KRT74: variants seen among roughly 807,000 people sequenced by gnomAD.
KRT74 encodes keratin, type II cytoskeletal 74.
In KRT74, 43 loss-of-function variants were observed where a neutral mutation model predicts 42.7. The observed-to-expected ratio is 1.01, with a 90% CI of 0.79 to 1.30. The LOEUF (loss-of-function observed/expected upper bound fraction) is 1.30, where lower values mean the gene tolerates loss of function less well. Among genes scored for constraint, KRT74 ranks in the 50% most tolerant of loss-of-function variants. KRT74 has a pLI of 0.00. For synonymous variants in KRT74, 302 were observed against 279.0 expected (o/e 1.08, Z -0.82); for missense variants, 736 against 689.1 (o/e 1.07, Z -0.76).
At chr12:52,572,697 C>A (rs375922762) in intron 1 of KRT74, 30 bp from the exon 2 acceptor site, 1 of 1,597,232 alleles carries the variant, frequency 6.3e-7, no homozygotes, top group Non-Finnish European at 8.6e-7. Flanking sequence ...ACACCTGGAA[C>A]CACAATGGGT....
Position 52,567,100 on chromosome 12 carries a change from C to T in KRT74, c.1459G>A (p.Ala487Thr), listed in dbSNP as rs75004274. Residue 487 changes from alanine to threonine, a missense_variant, in exon 9 of 9, where the codon GCT becomes ACT. By Grantham distance (58) the Ala-to-Thr change is moderately conservative. Transcript: ENST00000305620. ...GTGCTGCCAGAGCTGCCTGCCACAG[C>T]GCTGGCCCCAAGGTCAACACCCGCA... ...SSAGVDLGAS[A>T]VAGSSGSTQS... 74,242 of 1,603,648 alleles carry T rather than the reference C, an allele frequency of 0.046. 2,041 individuals carry two copies. The highest frequency in any genetic ancestry group is 0.054 in the Non-Finnish European group (63,796 of 1,171,950).
intron 6 of KRT74, chr12:52,569,643 G>C: frequency 1.6e-6 from 1 of 622,230 alleles, no homozygotes; most frequent in Non-Finnish European, 2.9e-6. Context: ...AAAATGAGGA[G>C]TCAGAGAAAT....
intron 3 of KRT74, among the ~76,000 whole-genome samples, 166 bp downstream of exon 3, chr12:52,571,778 C>T (rs1454909935): frequency 4.6e-5 from 7 of 152,152 alleles, no homozygotes; most frequent in African/African-American, 1.7e-4. Flanking sequence ...GTGTGTCTTT[C>T]CTCTCCAACT....
intron 6 of KRT74, among the ~76,000 whole-genome samples, chr12:52,568,680 T>C (rs1331246327): frequency 6.6e-6 from 1 of 152,128 alleles, no homozygotes; most frequent in Non-Finnish European, 1.5e-5. Context: ...TATCTACAGA[T>C]TCAAAATACT....
In KRT74 at chr12:52,573,741, T is replaced by C. The variant is rs1939532197; in HGVS notation, c.37A>G (p.Lys13Glu). 6.2e-7 allele frequency: 1 copy of C among 1,613,966 alleles called. No individual in the cohort carries two copies. The change falls in exon 1 of 9, where the codon AAG becomes GAG. Residue 13 changes from lysine (K) to glutamate (E), a missense_variant. Transcript: ENST00000305620. ...GCCGAATGCACACTGAAGTTGCCCT[T>C]GTCACCACTGGACTTGATGTTCAGT... ...RQLNIKSSGD[K>E]GNFSVHSAVV... is the part of the protein sequence containing the mutation.
chr12:52,569,831 G>C, intron 6 of KRT74, 28 bp downstream of exon 6: 3 of 1,613,850 alleles, frequency 1.9e-6, no homozygotes, highest in African/African-American at 1.3e-5. Context: ...TGTGGAGACC[G>C]GGAGTTCTTT....
rs749002964 is a variant in KRT74, at chr12:52,569,925, G to T, written c.1068C>A (p.Ser356Arg). 1 of 1,614,104 alleles carries T rather than the reference G, an allele frequency of 6.2e-7. No individual in the cohort carries two copies. The highest frequency in any genetic ancestry group is 1.7e-5 in the Admixed American group (1 of 60,032). The change falls in exon 6 of 9, where the codon AGC becomes AGA. Residue 356 changes from serine (S) to arginine (R), a missense_variant. Transcript: ENST00000305620. ...TGAGCCGGTTCAGCTCCACCATCTC[G>T]CTCCTGGTGTGTTTCAGGTCGTCAC... is the stretch of plus-strand genomic sequence containing the variant. The part of the protein sequence containing the change: ...RHGDDLKHTR[S>R]EMVELNRLIQ...
chr12:52,568,443 T>C (rs1939419501), intron 6 of KRT74, 54 bp from the exon 7 acceptor site: 1 of 1,576,588 alleles, frequency 6.3e-7, no homozygotes, highest in South Asian at 1.1e-5. Context: ...ATTTAGCTCA[T>C]ACCAGTTAAG....
chr12:52,567,060 G>A lies in KRT74; in HGVS notation c.1499C>T (p.Thr500Ile), dbSNP rs1334563639. The change falls in exon 9 of 9, where the codon ACC becomes ATC. Residue 500 changes from threonine (T) to isoleucine (I), a missense_variant. Transcript: ENST00000305620. ...GSSGSTQSGQ[T>I]KTTEARGGDL... ...TCCCCCTCGCGCCTCTGTGGTCTTG[G>A]TCTGCCCGCTCTGGGTGCTGCCAGA... 2 of 1,596,264 alleles carry A rather than the reference G, an allele frequency of 1.3e-6. No individual in the cohort carries two copies. The highest frequency in any genetic ancestry group is 1.3e-5 in the African/African-American group (1 of 74,526).
In KRT74 at chr12:52,571,287, C is replaced by T; in HGVS notation, c.843+72G>A. 9 of 962,880 alleles carry T rather than the reference C, an allele frequency of 9.3e-6. No individual in the cohort carries two copies. The Middle Eastern group carries it at 6.2e-4, about 67-fold the overall frequency. The allele number at this position is 962,880 out of a possible 1,614,324, so 59.6% of individuals were successfully genotyped here. A position where few individuals can be genotyped will look rare whatever the true frequency, so the allele number is the denominator to read the frequency against. Reference sequence around the variant, plus strand: ...CTTTCATTTTGTTGATCCTAAATCTCTCCTTTTGGTATCTCCCTGGAAGAG... The same window carrying T: ...CTTTCATTTTGTTGATCCTAAATCTTTCCTTTTGGTATCTCCCTGGAAGAG... On this transcript the variant is annotated intron_variant, in intron 4 of 8. Transcript: ENST00000305620.
intron 8 of KRT74, 111 bp downstream of exon 8, chr12:52,567,548 C>G: frequency 1.1e-6 from 1 of 872,260 alleles, no homozygotes; most frequent in South Asian, 1.3e-5. Flanking sequence ...GAAACCTTCC[C>G]AAGACAGTAA....
At position 52,567,139 on chromosome 12, in the gene KRT74, G is replaced by T; in HGVS notation, c.1420C>A (p.His474Asn). Reference protein sequence around the residue: ...SVISSSSYSYHHPSSAGVDLG... With the variant: ...SVISSSSYSYNHPSSAGVDLG... The stretch of plus-strand genomic sequence containing the variant: ...TCAACACCCGCAGAGCTGGGGTGGT[G>T]GTAGCTGTAGCTGCTACTGCTGATG... Residue 474 changes from histidine (H) to asparagine (N), a missense_variant, in exon 9 of 9, where the codon CAC (histidine) becomes AAC (asparagine). Coordinates refer to ENST00000305620, the MANE Select transcript of KRT74 (RefSeq NM_175053.4). The T allele has an allele frequency of 6.2e-7, 1 of 1,605,050 alleles. No homozygotes were observed. The highest frequency in any genetic ancestry group is 8.5e-7 in the Non-Finnish European group (1 of 1,173,268).
Position 52,573,356 on chromosome 12 carries a change from C to G in KRT74, c.422G>C (p.Arg141Pro). 6.2e-7 allele frequency: 1 copy of G among 1,614,192 alleles called. No individual in the cohort carries two copies. ...PEIQKVRAQE[R>P]EQIKVLNDKF... is the part of the protein sequence containing the mutation. ...GTCGTTCAGCACCTTGATCTGTTCC[C>G]GCTCCTGGGCGCGCACCTTCTGGAT... Residue 141 changes from arginine (R) to proline (P), a missense_variant, in exon 1 of 9, where the codon CGG (arginine) becomes CCG (proline). Physicochemically the swap from Arg to Pro is moderately radical, Grantham distance 103. Coordinates refer to ENST00000305620, the MANE Select transcript of KRT74 (RefSeq NM_175053.4).
At chr12:52,569,601 C>A (rs1001134875) in intron 6 of KRT74, 1 of 602,376 alleles carries the variant, frequency 1.7e-6, no homozygotes, top group African/African-American at 1.8e-5. Flanking sequence ...GGGAAAGTCC[C>A]TTCCCCTTCC....
At position 52,568,279 on chromosome 12, in the gene KRT74, C is replaced by T. The variant is rs767244550; in HGVS notation, c.1245G>A (p.Lys415=). ...CGCGCAGCATCCGCGCCAGCTCCTCCTTGGCCTGGTGCAGGGCGCCCTCCA... is the reference window on the plus strand; with the variant it reads ...CGCGCAGCATCCGCGCCAGCTCCTCTTTGGCCTGGTGCAGGGCGCCCTCCA... ...DELEGALHQA[K]EELARMLREY... The change falls in exon 7 of 9, where the codon AAG becomes AAA. Residue 415 remains lysine, a synonymous_variant. Transcript: ENST00000305620. 23 of 1,614,100 alleles carry T rather than the reference C, an allele frequency of 1.4e-5. No homozygotes were observed. The South Asian group carries it at 2.3e-4, about 16-fold the overall frequency.
At chr12:52,569,481 A>G in intron 6 of KRT74, 1 of 615,090 alleles carries the variant, frequency 1.6e-6, no homozygotes, top group South Asian at 1.9e-5. Context: ...CTGCCCTCAG[A>G]GGGGGCACCC....
At chr12:52,570,400 C>T (rs779077000) in intron 5 of KRT74, among the ~76,000 whole-genome samples, 11 of 152,204 alleles carry the variant, frequency 7.2e-5, no homozygotes, top group Non-Finnish European at 1.6e-4. Context: ...CACCTCACTT[C>T]TTTCACCTGC....
chr12:52,572,352 G>T lies in KRT74; in HGVS notation c.686+101C>A. On this transcript the variant is annotated intron_variant, in intron 2 of 8. Transcript: ENST00000305620. Reference sequence around the variant, plus strand: ...AAAGGGATGTGAGCTCCTGACCCTGGTGCATACTCCCCCATCTCCTAAAAA... The same window carrying T: ...AAAGGGATGTGAGCTCCTGACCCTGTTGCATACTCCCCCATCTCCTAAAAA... The T allele has an allele frequency of 8.0e-6, 10 of 1,248,578 alleles. No individual in the cohort carries two copies. In the South Asian group the frequency reaches 9.7e-5, roughly 12 times the overall value. The allele number at this position is 1,248,578 out of a possible 1,614,324, so 77.3% of individuals were successfully genotyped here.
intron 6 of KRT74, 116 bp from the exon 7 acceptor site, chr12:52,568,505 A>G: frequency 9.2e-7 from 1 of 1,090,254 alleles, no homozygotes; most frequent in South Asian, 1.4e-5. Context: ...AAGGAGTAAA[A>G]GCTGCAAAGC....
Sources: gnomAD v4.1 joint callset for allele counts (sites outside exome capture counted in the v4.1 genomes callset) on GRCh38, gnomAD v4.1.1 for gene constraint, MANE v1.5 for transcripts, NCBI Gene and HGNC (gene_info 2026-07-23, HGNC 2026-07-21) for gene names.